Variants in IFT122 observed in about 807,000 individuals in gnomAD.
IFT122 encodes intraflagellar transport protein 122 homolog.
Under a neutral mutation model 161.6 loss-of-function variants are expected in IFT122, and 118 were observed. The observed-to-expected ratio is 0.73, with a 90% CI of 0.63 to 0.85. The LOEUF (loss-of-function observed/expected upper bound fraction) is 0.85. Ranked by LOEUF, IFT122 falls within the 40% of genes least tolerant of loss-of-function variation. The pLI is 0.00. For synonymous variants in IFT122, 550 were observed against 602.4 expected, an observed-to-expected ratio of 0.91 and a Z score of 1.27; for missense variants, 1,381 against 1,579.6, an observed-to-expected ratio of 0.87 and a Z score of 2.13.
At chr3:129,485,051 T>G (rs2108366672) in intron 15 of IFT122, among the ~76,000 whole-genome samples, 1 of 152,322 alleles carries the variant, frequency 6.6e-6, no homozygotes, top group South Asian at 2.1e-4. Flanking sequence ...CAGCTGCATT[T>G]TATTGTGTCT....
chr3:129,516,369 GCACA>G (rs1160474023), intron 26 of IFT122, among the ~76,000 whole-genome samples: 6 of 99,140 alleles, frequency 6.1e-5, no homozygotes, highest in African/African-American at 1.2e-4. Flanking sequence ...GACTGCCCCT[GCACA>G]CACACACAGA....
chr3:129,518,832 G>A (rs1326232904), intron 27 of IFT122, among the ~76,000 whole-genome samples: 7 of 152,192 alleles, frequency 4.6e-5, no homozygotes, highest in South Asian at 4.1e-4. Flanking sequence ...CATCCCCTCC[G>A]TGCCTACCCG....
chr3:129,480,130 G>A (rs1277933663), intron 13 of IFT122, among the ~76,000 whole-genome samples: 1 of 152,340 alleles, frequency 6.6e-6, no homozygotes, highest in East Asian at 1.9e-4. Context: ...GCAGGCCCAC[G>A]TTTTGGCAGA....
intron 5 of IFT122, among the ~76,000 whole-genome samples, chr3:129,462,435 C>T (rs893955775): frequency 1.2e-4 from 19 of 152,312 alleles, no homozygotes; most frequent in Admixed American, 3.3e-4. Flanking sequence ...CATTCCCACC[C>T]TACTGATGAA....
intron 17 of IFT122, among the ~76,000 whole-genome samples, chr3:129,494,352 A>T (rs550668744): frequency 6.6e-6 from 1 of 152,184 alleles, no homozygotes; most frequent in Non-Finnish European, 1.5e-5. Flanking sequence ...AGCCAAAATC[A>T]ATCTTTTATC....
At chr3:129,485,819 G>T (rs2079207042) in intron 15 of IFT122, among the ~76,000 whole-genome samples, 1 of 152,270 alleles carries the variant, frequency 6.6e-6, no homozygotes, top group Non-Finnish European at 1.5e-5. Context: ...TGCTGACGCA[G>T]CGGGTCAGGA....
At chr3:129,485,923 G>C (rs537211314) in intron 15 of IFT122, among the ~76,000 whole-genome samples, 65 of 152,366 alleles carry the variant, frequency 4.3e-4, no homozygotes, top group African/African-American at 1.3e-3. Flanking sequence ...CAGAGAGGAG[G>C]GAGAAAGCAT....
chr3:129,514,686 A>AG (rs2083261994), intron 25 of IFT122, 132 bp downstream of exon 25: 1 of 1,048,274 alleles, frequency 9.5e-7, no homozygotes, highest in Admixed American at 1.9e-5. Flanking sequence ...CCCCCTGCTC[A>AG]AGCCTGGCCA....
At chr3:129,515,770 C>T (rs529772338) in intron 26 of IFT122, among the ~76,000 whole-genome samples, 171 bp downstream of exon 26, 3 of 152,296 alleles carry the variant, frequency 2.0e-5, no homozygotes, top group Admixed American at 6.5e-5. Context: ...GAGTCACTGT[C>T]GGTGTTCCCA....
intron 16 of IFT122, 42 bp downstream of exon 16, chr3:129,488,439 G>A (rs1577777439): frequency 5.0e-6 from 8 of 1,613,648 alleles, no homozygotes; most frequent in Non-Finnish European, 6.8e-6. Flanking sequence ...GGTCCTTGTG[G>A]GGTCCCTTAA....
intron 26 of IFT122, among the ~76,000 whole-genome samples, chr3:129,516,647 T>TGCAC (rs2083758478): frequency 4.0e-5 from 2 of 49,410 alleles, no homozygotes; most frequent in Non-Finnish European, 7.8e-5. Flanking sequence ...AGACTGCCCC[T>TGCAC]ACACACACAC....
chr3:129,503,992 T>G (rs2081920601), intron 20 of IFT122: 4 of 370,094 alleles, frequency 1.1e-5, no homozygotes, highest in Non-Finnish European at 2.1e-5. Flanking sequence ...CGCCCGCAAT[T>G]AAAAGAAATC....
chr3:129,510,829 T>G (rs988743122), intron 23 of IFT122, among the ~76,000 whole-genome samples: 1 of 152,160 alleles, frequency 6.6e-6, no homozygotes, highest in African/African-American at 2.4e-5. Context: ...ACAGACCCTG[T>G]GATGAGACCT....
At chr3:129,518,690 G>T (rs926932548) in intron 27 of IFT122, among the ~76,000 whole-genome samples, 47 of 152,172 alleles carry the variant, frequency 3.1e-4, no homozygotes, top group African/African-American at 1.1e-3. Context: ...TGGGAGAGGG[G>T]CGGTTTCCAG....
intron 2 of IFT122, 51 bp from the exon 3 acceptor site, chr3:129,451,862 AT>A (rs2074899970): frequency 1.4e-6 from 2 of 1,444,270 alleles, no homozygotes; most frequent in Admixed American, 1.7e-5. Context: ...CCCTGCAGGA[AT>A]TCTGACTAAT....
At chr3:129,506,863 A>G (rs2082244102) in intron 22 of IFT122, among the ~76,000 whole-genome samples, 1 of 152,216 alleles carries the variant, frequency 6.6e-6, no homozygotes, top group Non-Finnish European at 1.5e-5. Flanking sequence ...AAATTTTTTT[A>G]ATTAAATGAG....
In IFT122 at chr3:129,500,037, G is replaced by A. The variant is rs201662098; in HGVS notation, c.2344G>A (p.Glu782Lys). ...AGCAGGAGAGCACGTCAAGGCCATC[G>A]AGATCTGTGGTGACCATGGCTGGGT... ...ISAGEHVKAI[E>K]ICGDHGWVDM... Residue 782 changes from glutamate to lysine, a missense_variant, in exon 19 of 30, where the codon GAG (glutamate) becomes AAG (lysine). Glu to Lys is a moderately conservative substitution (Grantham distance 56). Around this residue, in one of 7 missense-constraint regions of IFT122, gnomAD observed 496 missense variants for 502.5 expected, o/e 0.99. Transcript: ENST00000348417. 19 of 1,614,198 alleles carry A rather than the reference G, an allele frequency of 1.2e-5. No individual in the cohort carries two copies. The highest frequency in any genetic ancestry group is 2.2e-5 in the East Asian group (1 of 44,888).
Position 129,483,323 on chromosome 3 carries a change from C to CT in IFT122, c.1654-161dup, listed in dbSNP as rs2078895907. Among the ~76,000 whole-genome samples the CT allele has an allele frequency of 3.3e-5, 5 of 152,090 alleles. No individual in the cohort carries two copies. The South Asian group carries it at 1.0e-3, about 32-fold the overall frequency. On this transcript the variant is annotated intron_variant, in intron 14 of 29. Coordinates refer to ENST00000348417, the MANE Select transcript of IFT122 (RefSeq NM_052989.3). ...GCTTGCCTCTGTTCATTTCTCTTGC[C>CT]TCTGTTCATTTCTTTGTGGTCCCCT...
At chr3:129,505,072 T>C (rs569494846) in intron 21 of IFT122, among the ~76,000 whole-genome samples, 1 of 152,374 alleles carries the variant, frequency 6.6e-6, no homozygotes, top group East Asian at 1.9e-4. Context: ...TTATTAATCA[T>C]ATTTTTTAAA....
Sources: allele counts gnomAD v4.1 joint callset (sites outside exome capture counted in the v4.1 genomes callset), GRCh38; gene constraint gnomAD v4.1.1; regional missense constraint gnomAD v4.1.1; transcripts MANE v1.5; gene names NCBI Gene and HGNC (gene_info 2026-07-23, HGNC 2026-07-21).